EXPH5: variants seen among roughly 807,000 people sequenced by gnomAD.
EXPH5 encodes exophilin 5.
In EXPH5, 42 loss-of-function variants were observed where a neutral mutation model predicts 41.1. The ratio of observed to expected loss-of-function variants is 1.02; its 90% CI spans 0.80 to 1.32. The LOEUF is 1.32. Among genes scored for constraint, EXPH5 ranks in the 40% most tolerant of loss-of-function variants. EXPH5 has a pLI of 0.00. For synonymous variants in EXPH5, 798 were observed against 833.5 expected (o/e 0.96, Z 0.73); for missense variants, 2,298 against 2,314.5 (o/e 0.99, Z 0.15).
At chr11:108,583,796 T>C (rs1379678259) in intron 1 of EXPH5, among the ~76,000 whole-genome samples, 3 of 152,152 alleles carry the variant, frequency 2.0e-5, no homozygotes, top group Non-Finnish European at 2.9e-5. Context: ...TTCAACATCA[T>C]GCTTGAAGTC....
chr11:108,572,205 G>T (rs1241102410), intron 1 of EXPH5, among the ~76,000 whole-genome samples: 1 of 152,214 alleles, frequency 6.6e-6, no homozygotes. Context: ...CAAGTGCGCA[G>T]TGAAACAAAA....
rs1336034260 is a variant in EXPH5 at position 108,509,851 on chromosome 11, A to C, written c.5656T>G (p.Tyr1886Asp). 2.7e-5 allele frequency: 44 copies of C among 1,613,442 alleles called. No individual in the cohort carries two copies. Among genetic ancestry groups the C allele is most frequent in the Non-Finnish European group, 3.5e-5 (41 of 1,179,880 alleles). ...SAISIYRPID[Y>D]GIFGKEQQLA... is the part of the protein sequence containing the mutation. ...TGTTGTTCTTTCCCAAAGATCCCAT[A>C]GTCGATAGGTCTGTATATAGATATT... is the stretch of plus-strand genomic sequence containing the variant. The change falls in exon 6 of 6, where the codon TAT (tyrosine) becomes GAT (aspartate). Residue 1886 changes from tyrosine to aspartate, a missense_variant. Coordinates refer to ENST00000265843, the MANE Select transcript of EXPH5 (RefSeq NM_015065.3).
intron 1 of EXPH5, among the ~76,000 whole-genome samples, chr11:108,579,189 GT>G (rs1412058551): frequency 7.5e-6 from 1 of 133,512 alleles, no homozygotes; most frequent in Non-Finnish European, 1.6e-5. Flanking sequence ...TCTATATGCA[GT>G]TTGTTGAGAG....
chr11:108,593,378 G>C, intron 1 of EXPH5, 40 bp downstream of exon 1: 3 of 1,572,662 alleles, frequency 1.9e-6, no homozygotes, highest in Non-Finnish European at 2.6e-6. Context: ...GCCCCTGCGG[G>C]ACCCAGGCCC....
Position 108,513,363 on chromosome 11 carries a change from C to A in EXPH5, c.2144G>T (p.Ser715Ile). 1 of 1,614,070 alleles carries A rather than the reference C, an allele frequency of 6.2e-7. No individual in the cohort carries two copies. Among genetic ancestry groups the A allele is most frequent in the Non-Finnish European group, 8.5e-7 (1 of 1,179,976 alleles). ...TGCCTTGTTTGTCTGGTCCATCTTG[C>A]TTAGCTGTTTGTCTTCTTCTGAAAT... ...ESISEEDKQL[S>I]KMDQTNKAGE... Residue 715 changes from serine (S) to isoleucine (I), a missense_variant, in exon 6 of 6, where the codon AGC becomes ATC. Coordinates refer to ENST00000265843, the MANE Select transcript of EXPH5 (RefSeq NM_015065.3).
chr11:108,530,443 T>C (rs1174425829), intron 3 of EXPH5, among the ~76,000 whole-genome samples: 1 of 152,108 alleles, frequency 6.6e-6, no homozygotes, highest in Non-Finnish European at 1.5e-5. Context: ...AGCAAGCACT[T>C]CCTGGGACAA....
chr11:108,599,859 A>G, the EXPH5 span, among the ~76,000 whole-genome samples: 1 of 152,198 alleles, frequency 6.6e-6, no homozygotes, highest in Non-Finnish European at 1.5e-5. Flanking sequence ...AGGCTTTAAT[A>G]ACTACTGTCG....
chr11:108,598,230 A>G (rs954359652), upstream of EXPH5, among the ~76,000 whole-genome samples: 3 of 152,186 alleles, frequency 2.0e-5, no homozygotes, highest in Non-Finnish European at 4.4e-5. Context: ...AATTGGTTGA[A>G]TAAAATGTGG....
At chr11:108,582,190 G>A (rs547274733) in intron 1 of EXPH5, among the ~76,000 whole-genome samples, 114 of 152,328 alleles carry the variant, frequency 7.5e-4, no homozygotes, top group South Asian at 3.9e-3. Context: ...CAGGCTGGGC[G>A]TGGTGGCTCA....
chr11:108,569,207 G>C (rs2094048632), intron 1 of EXPH5, among the ~76,000 whole-genome samples: 2 of 152,164 alleles, frequency 1.3e-5, no homozygotes, highest in South Asian at 4.1e-4. Context: ...TCAAGACTCA[G>C]TTCAGGCACC....
Position 108,550,443 on chromosome 11 carries a change from G to A in EXPH5, c.120-8631C>T, listed in dbSNP as rs116440142. ...AGCCCAGACCAAATGGCTAGCCCAC[G>A]GAATGGTAAGCTAATAAACAGAAGT... On this transcript the variant is annotated intron_variant, in intron 1 of 5. Transcript: ENST00000265843. Among the ~76,000 whole-genome samples the A allele has an allele frequency of 2.6e-3, 392 of 152,234 alleles. 4 individuals are homozygous for A. Among genetic ancestry groups the A allele is most frequent in the African/African-American group, 2.7e-3 (112 of 41,540 alleles).
chr11:108,586,324 G>A (rs1462469682), intron 1 of EXPH5, among the ~76,000 whole-genome samples: 1 of 152,130 alleles, frequency 6.6e-6, no homozygotes, highest in Non-Finnish European at 1.5e-5. Context: ...TTCTCAAAAG[G>A]TTATGTATTC....
In EXPH5 at chr11:108,523,395, C is replaced by T. The variant is rs527498169; in HGVS notation, c.492+4741G>A. 2.6e-5 allele frequency among the ~76,000 whole-genome samples: 4 copies of T among 152,118 alleles called. No individual in the cohort carries two copies. In the South Asian group the frequency reaches 8.3e-4, roughly 32 times the overall value. On this transcript the variant is annotated intron_variant, in intron 4 of 5. Coordinates refer to ENST00000265843, the MANE Select transcript of EXPH5 (RefSeq NM_015065.3). ...CTACTCATACTCATATGATCTGATC[C>T]CAAACCCTCTTCTTTCCATTATTTT...
At chr11:108,528,519 G>T (rs1470722856) in intron 3 of EXPH5, among the ~76,000 whole-genome samples, 1 of 151,992 alleles carries the variant, frequency 6.6e-6, no homozygotes, top group African/African-American at 2.4e-5. Flanking sequence ...ATCTTTGTGC[G>T]TGTTAATTCA....
intron 1 of EXPH5, among the ~76,000 whole-genome samples, chr11:108,552,727 G>A (rs1035632099): frequency 6.6e-6 from 1 of 152,130 alleles, no homozygotes; most frequent in South Asian, 2.1e-4. Flanking sequence ...GACCAGCAAC[G>A]TACTGAGACT....
intron 1 of EXPH5, among the ~76,000 whole-genome samples, chr11:108,558,741 C>T (rs111940606): frequency 3.9e-5 from 6 of 152,282 alleles, no homozygotes; most frequent in African/African-American, 1.4e-4. Flanking sequence ...CTTCATGCTG[C>T]TGCTGAAGGT....
intron 4 of EXPH5, among the ~76,000 whole-genome samples, chr11:108,522,204 T>A (rs11824822): frequency 0.045 from 6,731 of 150,572 alleles, 435 homozygotes; most frequent in African/African-American, 0.14. Flanking sequence ...TTTTTTTTTT[T>A]AAAAAAGGAA....
chr11:108,542,517 C>G (rs779295872), intron 1 of EXPH5, among the ~76,000 whole-genome samples: 1 of 152,052 alleles, frequency 6.6e-6, no homozygotes, highest in Non-Finnish European at 1.5e-5. Flanking sequence ...AGAATATTCT[C>G]GTTCTGATTA....
intron 1 of EXPH5, among the ~76,000 whole-genome samples, chr11:108,562,624 G>A (rs532230716): frequency 7.6e-4 from 115 of 151,642 alleles, no homozygotes; most frequent in South Asian, 1.5e-3. Context: ...AAGAAAGAAA[G>A]AAAGTAAAAT....
Sources: allele counts gnomAD v4.1 joint callset (sites outside exome capture counted in the v4.1 genomes callset), GRCh38; gene constraint gnomAD v4.1.1; transcripts MANE v1.5; gene names NCBI Gene and HGNC (gene_info 2026-07-23, HGNC 2026-07-21).